The following SLC2A8 variants were observed in gnomAD, a reference collection of about 807,000 sequenced individuals.
The protein encoded by SLC2A8 is solute carrier family 2 member 8.
A neutral mutation model predicts 49.2 loss-of-function variants in SLC2A8; 53 were observed. That is an observed-to-expected ratio of 1.08 (90% confidence interval 0.86 to 1.35). The LOEUF (loss-of-function observed/expected upper bound fraction) is 1.35. Among genes scored for constraint, SLC2A8 ranks in the 40% most tolerant of loss-of-function variants. The probability of loss-of-function intolerance (pLI) is 0.00; values close to 1 mark genes in which losing one functional copy is unlikely to be tolerated. For synonymous variants in SLC2A8, 299 were observed against 297.0 expected, an observed-to-expected ratio of 1.01 and a Z score of -0.07; for missense variants, 688 against 671.7, an observed-to-expected ratio of 1.02 and a Z score of -0.27.
intron 7 of SLC2A8, chr9:127,404,482 G>T: frequency 3.1e-6 from 1 of 325,320 alleles, no homozygotes; most frequent in Non-Finnish European, 5.7e-6. Flanking sequence ...ATCCACGTGA[G>T]GCCTTCAGCA....
At chr9:127,400,400 G>A (rs932793368) in intron 4 of SLC2A8, among the ~76,000 whole-genome samples, 6 of 151,794 alleles carry the variant, frequency 4.0e-5, no homozygotes, top group African/African-American at 7.3e-5. Flanking sequence ...CTCATGAACC[G>A]CCAAACCTCA....
In SLC2A8 at chr9:127,397,238, C is replaced by G; in HGVS notation, c.8C>G (p.Pro3Arg). The stretch of plus-strand genomic sequence containing the variant: ...TCGGCGTTGGCCGCCGACATGACGC[C>G]CGAGGACCCAGAGGAAACCCAGCCG... MT[P>R]EDPEETQPLL... is the part of the protein sequence containing the mutation. Residue 3 changes from proline (P) to arginine (R), a missense_variant, in exon 1 of 10, where the codon CCC (proline) becomes CGC (arginine). By Grantham distance (103) the Pro-to-Arg change is moderately radical (BLOSUM62 -2). Transcript: ENST00000373371. 1 of 1,455,708 alleles carries G rather than the reference C, an allele frequency of 6.9e-7. No homozygotes were observed. Among genetic ancestry groups the G allele is most frequent in the South Asian group, 1.3e-5 (1 of 74,696 alleles). 90.2% of individuals were successfully genotyped at this position (1,455,708 alleles called of 1,614,324 possible).
At chr9:127,402,854 G>A (rs1244130493) in intron 5 of SLC2A8, 101 bp downstream of exon 5, 13 of 1,359,680 alleles carry the variant, frequency 9.6e-6, no homozygotes, top group African/African-American at 1.5e-5. Flanking sequence ...TGGGGGACAG[G>A]GAGGTGCCTA....
Position 127,405,138 on chromosome 9 carries a change from C to G in SLC2A8, c.1150+147C>G, listed in dbSNP as rs1179762737. Reference sequence around the variant, plus strand: ...CTGCATTTCTAGCTCTGACCACATGCAGCTGTGGAACTAGGCCCCTCTGCG... The same window carrying G: ...CTGCATTTCTAGCTCTGACCACATGGAGCTGTGGAACTAGGCCCCTCTGCG... On this transcript the variant is annotated intron_variant, in intron 8 of 9. Transcript: ENST00000373371. The G allele has an allele frequency of 8.3e-6, 8 of 959,680 alleles. No individual in the cohort carries two copies. The East Asian group carries it at 1.6e-4, about 19-fold the overall frequency. 59.4% of individuals were successfully genotyped at this position (959,680 alleles called of 1,614,324 possible). A position where few individuals can be genotyped will look rare whatever the true frequency, so the allele number is the denominator to read the frequency against.
chr9:127,397,194 A>G lies in SLC2A8; in HGVS notation c.-37A>G. Reference sequence around the variant, plus strand: ...GCACTCGCAGGGCCCGTGGCGGTTCAGGCGCCAGAGCTGGCCGATCGGCGT... The same window carrying G: ...GCACTCGCAGGGCCCGTGGCGGTTCGGGCGCCAGAGCTGGCCGATCGGCGT... On this transcript the variant is annotated 5_prime_UTR_variant, in exon 1 of 10. Coordinates refer to ENST00000373371, the MANE Select transcript of SLC2A8 (RefSeq NM_014580.5). The G allele has an allele frequency of 6.9e-7, 1 of 1,445,462 alleles. No homozygotes were observed. The highest frequency in any genetic ancestry group is 9.0e-7 in the Non-Finnish European group (1 of 1,107,940). The allele number at this position is 1,445,462 out of a possible 1,614,324, so 89.5% of individuals were successfully genotyped here. A position where few individuals can be genotyped will look rare whatever the true frequency, so the allele number is the denominator to read the frequency against.
chr9:127,403,848 A>G lies in SLC2A8; in HGVS notation c.867+45A>G, dbSNP rs116217741. On this transcript the variant is annotated intron_variant, in intron 6 of 9. Transcript: ENST00000373371. ...CCTGCCTCGTCCAGCCCCCACATAG[A>G]TGGAGCTTCCTCCCCAAGCCCAGGG... 5.0e-6 allele frequency: 8 copies of G among 1,604,662 alleles called. No individual in the cohort carries two copies. In the African/African-American group the frequency reaches 1.1e-4, roughly 21 times the overall value.
Position 127,407,332 on chromosome 9 carries a change from A to G in SLC2A8, c.*83A>G. ...AGCCCCTGCCTGCCCCAGGGGAGCC[A>G]GAATCCAGCCCCTTGGAGCCTTGGT... On this transcript the variant is annotated 3_prime_UTR_variant, in exon 10 of 10. Coordinates refer to ENST00000373371, the MANE Select transcript of SLC2A8 (RefSeq NM_014580.5). 1 of 1,545,972 alleles carries G rather than the reference A, an allele frequency of 6.5e-7. No individual in the cohort carries two copies. The highest frequency in any genetic ancestry group is 8.9e-7 in the Non-Finnish European group (1 of 1,121,700).
Position 127,404,563 on chromosome 9 carries a change from T to C in SLC2A8, c.977-255T>C, listed in dbSNP as rs1833417092. The C allele has an allele frequency of 1.4e-5, 7 of 504,054 alleles. No individual in the cohort carries two copies. The South Asian group carries it at 1.8e-4, about 13-fold the overall frequency. The allele number at this position is 504,054 out of a possible 1,614,324, so 31.2% of individuals were successfully genotyped here. On this transcript the variant is annotated intron_variant, in intron 7 of 9. Transcript: ENST00000373371. The stretch of plus-strand genomic sequence containing the variant: ...GACGACCGTCGGGGCTGAGGGTTAC[T>C]CGCTGCTGCTTCTGTGCCGGTACCT...
intron 4 of SLC2A8, among the ~76,000 whole-genome samples, chr9:127,401,529 C>T (rs113168018): frequency 1.3e-5 from 2 of 152,216 alleles, no homozygotes; most frequent in African/African-American, 4.8e-5. Flanking sequence ...AAACCAAAGC[C>T]CCCACTGTGT....
At chr9:127,397,743 C>T (rs934069074) in intron 2 of SLC2A8, among the ~76,000 whole-genome samples, 162 bp from the exon 3 acceptor site, 26 of 151,956 alleles carry the variant, frequency 1.7e-4, no homozygotes, top group Admixed American at 6.6e-5. Flanking sequence ...AGCCCCCACC[C>T]CTCCCCTCGG....
At chr9:127,402,271 G>A in intron 4 of SLC2A8, 1 of 400,646 alleles carries the variant, frequency 2.5e-6, no homozygotes, top group Non-Finnish European at 4.5e-6. Flanking sequence ...CACGCAGCAA[G>A]CACCTCATCC....
chr9:127,404,401 C>T (rs1288829802), intron 7 of SLC2A8: 1 of 329,028 alleles, frequency 3.0e-6, no homozygotes, highest in Admixed American at 4.6e-5. Context: ...CTCTGAGCCT[C>T]AGTCTCCCCC....
chr9:127,402,414 A>G, intron 4 of SLC2A8, 143 bp from the exon 5 acceptor site: 2 of 1,291,316 alleles, frequency 1.5e-6, no homozygotes, highest in Non-Finnish European at 2.0e-6. Flanking sequence ...CAGTTGTGAT[A>G]ATGGCAATGT....
intron 9 of SLC2A8, 90 bp from the exon 10 acceptor site, chr9:127,407,022 G>T: frequency 6.8e-7 from 1 of 1,477,676 alleles, no homozygotes; most frequent in Admixed American, 1.7e-5. Context: ...TCAGGGGACT[G>T]GACCCCCTGG....
At position 127,402,669 on chromosome 9, in the gene SLC2A8, C is replaced by T. The variant is rs760711648; in HGVS notation, c.639C>T (p.His213=). 71 of 1,580,446 alleles carry T rather than the reference C, an allele frequency of 4.5e-5. No individual in the cohort carries two copies. The highest frequency in any genetic ancestry group is 6.1e-5 in the Non-Finnish European group (71 of 1,164,702). ...CCCCGCGCTTCCTGCTGACTCAGCACAGGCGCCAGGAGGCCATGGCCGCCC... is the reference window on the plus strand; with the variant it reads ...CCCCGCGCTTCCTGCTGACTCAGCATAGGCGCCAGGAGGCCATGGCCGCCC... ...PETPRFLLTQ[H]RRQEAMAALR... is the part of the protein sequence containing the mutation. The change falls in exon 5 of 10, where the codon CAC becomes CAT. Residue 213 remains histidine, a synonymous_variant. Coordinates refer to ENST00000373371, the MANE Select transcript of SLC2A8 (RefSeq NM_014580.5).
chr9:127,398,593 C>T (rs74767806), intron 3 of SLC2A8, among the ~76,000 whole-genome samples: 3,090 of 152,286 alleles, frequency 0.02, 59 homozygotes, highest in Middle Eastern at 0.058. Context: ...CACAGGCCAG[C>T]CCCTCTGGCT....
intron 5 of SLC2A8, 150 bp from the exon 6 acceptor site, chr9:127,403,510 C>T: frequency 6.9e-6 from 6 of 872,968 alleles, no homozygotes; most frequent in Non-Finnish European, 1.1e-5. Flanking sequence ...TGGGACTTGT[C>T]TGCACACCTG....
At chr9:127,398,260 C>A in intron 3 of SLC2A8, 149 bp downstream of exon 3, 1 of 843,070 alleles carries the variant, frequency 1.2e-6, no homozygotes, top group South Asian at 1.3e-5. Context: ...CTCGCGGTCC[C>A]TCCCGTCGAC....
In SLC2A8 at chr9:127,397,354, A is replaced by T. The variant is rs768015530; in HGVS notation, c.57-22A>T. 301 of 1,413,442 alleles carry T rather than the reference A, an allele frequency of 2.1e-4. 2 individuals are homozygous for T. The East Asian group carries it at 8.7e-3, about 41-fold the overall frequency. The allele number at this position is 1,413,442 out of a possible 1,614,324, so 87.6% of individuals were successfully genotyped here. ...CCGCCCCTCCGCGTCCGCTCCGCTC[A>T]CCCTCGGCCCTGTCCCCCCAGCGCG... On this transcript the variant is annotated intron_variant, in intron 1 of 9. Coordinates refer to ENST00000373371, the MANE Select transcript of SLC2A8 (RefSeq NM_014580.5).
Sources: allele counts gnomAD v4.1 joint callset (sites outside exome capture counted in the v4.1 genomes callset), GRCh38; gene constraint gnomAD v4.1.1; transcripts MANE v1.5; gene names NCBI Gene and HGNC (gene_info 2026-07-23, HGNC 2026-07-21).